The following DDAH2 variants were observed in gnomAD, a reference collection of about 807,000 sequenced individuals.
DDAH2 encodes the protein putative hydrolase DDAH2.
Under a neutral mutation model 24.8 loss-of-function variants are expected in DDAH2, and 8 were observed. That is an observed-to-expected ratio of 0.32 (90% confidence interval 0.19 to 0.58). The LOEUF (loss-of-function observed/expected upper bound fraction) is 0.58. Among genes scored for constraint, DDAH2 ranks in the 20% least tolerant of loss-of-function variants. The pLI, the probability that DDAH2 is intolerant of heterozygous loss-of-function variation, is 0.87. For missense variants in DDAH2, 281 were observed against 379.0 expected (o/e 0.74, Z 2.15); for synonymous variants, 151 against 166.1 (o/e 0.91, Z 0.70).
chr6:31,728,296 G>A lies in DDAH2; in HGVS notation c.472-4C>T, dbSNP rs1807549080. 6.2e-7 allele frequency: 1 copy of A among 1,608,414 alleles called. No homozygotes were observed. Among genetic ancestry groups the A allele is most frequent in the Non-Finnish European group, 8.5e-7 (1 of 1,176,994 alleles). On this transcript the variant is annotated splice_polypyrimidine_tract_variant and splice_region_variant and intron_variant, in intron 3 of 5. Coordinates refer to ENST00000375789, the MANE Select transcript of DDAH2 (RefSeq NM_001303007.2). The surrounding 1 kb of genome is among the most constrained non-coding windows in gnomAD (Gnocchi z 9.8). ...GCACAGTGGAGACGGCGAAGTCCTA[G>A]GGAGAGCGAAGGGAGGTATTCAGGG...
In DDAH2 at chr6:31,728,411, C is replaced by A; in HGVS notation, c.471+40G>T. On this transcript the variant is annotated intron_variant, in intron 3 of 5. Coordinates refer to ENST00000375789, the MANE Select transcript of DDAH2 (RefSeq NM_001303007.2). This position sits in a 1 kb window ranked among gnomAD's most constrained non-coding sequence, Gnocchi z 9.8. ...GGCGCCCAGGCCCTTCCGACCCCCA[C>A]CTGCACCCCCTCCCTCCCTAGGCTG... The A allele has an allele frequency of 6.2e-7, 1 of 1,611,338 alleles. No homozygotes were observed. Among genetic ancestry groups the A allele is most frequent in the Non-Finnish European group, 8.5e-7 (1 of 1,179,420 alleles).
Position 31,729,167 on chromosome 6 carries a change from C to G in DDAH2, c.-6G>C. On this transcript the variant is annotated 5_prime_UTR_variant, in exon 1 of 6. Transcript: ENST00000375789. This position sits in a 1 kb window ranked among gnomAD's most constrained non-coding sequence, Gnocchi z 6.7. ...CCCTCCCCCGGCGTCCCCATCCCAT[C>G]CACACAGACTCCCCCTCCAACCGCT... 1 of 1,590,514 alleles carries G rather than the reference C, an allele frequency of 6.3e-7. No homozygotes were observed. The highest frequency in any genetic ancestry group is 1.1e-5 in the South Asian group (1 of 89,876).
chr6:31,729,315 C>T (rs1182543354), upstream of DDAH2: 1 of 653,642 alleles, frequency 1.5e-6, no homozygotes, highest in Admixed American at 2.9e-5. The surrounding 1 kb of genome is among the most constrained non-coding windows in gnomAD (Gnocchi z 6.7). Flanking sequence ...GGTCTTCCTC[C>T]TGCCATCTCT....
In DDAH2 at chr6:31,728,624, C is replaced by G. The variant is rs1386842163; in HGVS notation, c.397+22G>C. ...AAACTCTACTTCCCTGTGCCAAGACCTATGCCTCCCCCCAGCCTCACCGGT... is the reference window on the plus strand; with the variant it reads ...AAACTCTACTTCCCTGTGCCAAGACGTATGCCTCCCCCCAGCCTCACCGGT... On this transcript the variant is annotated intron_variant, in intron 2 of 5. Coordinates refer to ENST00000375789, the MANE Select transcript of DDAH2 (RefSeq NM_001303007.2). This position sits in a 1 kb window ranked among gnomAD's most constrained non-coding sequence, Gnocchi z 9.8. 1 of 1,612,464 alleles carries G rather than the reference C, an allele frequency of 6.2e-7. No individual in the cohort carries two copies. The highest frequency in any genetic ancestry group is 2.2e-5 in the East Asian group (1 of 44,884).
rs1414706615 is a variant in DDAH2 at position 31,728,134 on chromosome 6, G to C, written c.591+39C>G. ...CCCAGCTCCCGGCCTCCCGGGCCCAGAACTGCGCCCACTTTCGTTGGCCCC... is the reference window on the plus strand; with the variant it reads ...CCCAGCTCCCGGCCTCCCGGGCCCACAACTGCGCCCACTTTCGTTGGCCCC... On this transcript the variant is annotated intron_variant, in intron 4 of 5. Coordinates refer to ENST00000375789, the MANE Select transcript of DDAH2 (RefSeq NM_001303007.2). This position sits in a 1 kb window ranked among gnomAD's most constrained non-coding sequence, Gnocchi z 9.8. 1.2e-6 allele frequency: 2 copies of C among 1,606,208 alleles called. No individual in the cohort carries two copies. Among genetic ancestry groups the C allele is most frequent in the African/African-American group, 2.7e-5 (2 of 74,808 alleles).
Position 31,727,837 on chromosome 6 carries a change from T to C in DDAH2, c.592-145A>G. The C allele has an allele frequency of 1.1e-6, 1 of 947,720 alleles. No homozygotes were observed. Among genetic ancestry groups the C allele is most frequent in the Non-Finnish European group, 1.6e-6 (1 of 643,458 alleles). 58.7% of individuals were successfully genotyped at this position (947,720 alleles called of 1,614,324 possible). A position where few individuals can be genotyped will look rare whatever the true frequency, so the allele number is the denominator to read the frequency against. ...ATAGAGCTTACGATATGTCAGACAC[T>C]AAGTACTTTAGTTACCTTTGCTAAT... On this transcript the variant is annotated intron_variant, in intron 4 of 5. Transcript: ENST00000375789. This position sits in a 1 kb window ranked among gnomAD's most constrained non-coding sequence, Gnocchi z 6.0.
chr6:31,728,613 T>C lies in DDAH2; in HGVS notation c.397+33A>G, dbSNP rs1807581774. ...CCGAGTCTCCCAAACTCTACTTCCCTGTGCCAAGACCTATGCCTCCCCCCA... is the reference window on the plus strand; with the variant it reads ...CCGAGTCTCCCAAACTCTACTTCCCCGTGCCAAGACCTATGCCTCCCCCCA... On this transcript the variant is annotated intron_variant, in intron 2 of 5. Coordinates refer to ENST00000375789, the MANE Select transcript of DDAH2 (RefSeq NM_001303007.2). This position sits in a 1 kb window ranked among gnomAD's most constrained non-coding sequence, Gnocchi z 9.8. 1.2e-6 allele frequency: 2 copies of C among 1,612,010 alleles called. No individual in the cohort carries two copies. The highest frequency in any genetic ancestry group is 1.7e-6 in the Non-Finnish European group (2 of 1,179,352).
At position 31,728,849 on chromosome 6, in the gene DDAH2, G is replaced by C; in HGVS notation, c.297+16C>G. ...TTCTGCCTTTCCCCATACCACACCC[G>C]CGCCACGGCGCTCACCTCTGGCCTA... On this transcript the variant is annotated intron_variant, in intron 1 of 5. Coordinates refer to ENST00000375789, the MANE Select transcript of DDAH2 (RefSeq NM_001303007.2). This position sits in a 1 kb window ranked among gnomAD's most constrained non-coding sequence, Gnocchi z 9.8. The C allele has an allele frequency of 5.0e-6, 8 of 1,611,098 alleles. No homozygotes were observed. Among genetic ancestry groups the C allele is most frequent in the Non-Finnish European group, 6.8e-6 (8 of 1,178,990 alleles).
At position 31,727,443 on chromosome 6, in the gene DDAH2, C is replaced by G. The variant is rs1807461834; in HGVS notation, c.742-90G>C. The G allele has an allele frequency of 6.2e-7, 1 of 1,601,370 alleles. No individual in the cohort carries two copies. Among genetic ancestry groups the G allele is most frequent in the Non-Finnish European group, 8.5e-7 (1 of 1,171,558 alleles). The stretch of plus-strand genomic sequence containing the variant: ...TCCAGCCAGCTCAGAGTGGCCCCAC[C>G]CAGGCTTCTAGAGAAGGTACCCTTC... On this transcript the variant is annotated intron_variant, in intron 5 of 5. Coordinates refer to ENST00000375789, the MANE Select transcript of DDAH2 (RefSeq NM_001303007.2). The surrounding 1 kb of genome is among the most constrained non-coding windows in gnomAD (Gnocchi z 6.0).
chr6:31,729,830 A>G (rs1417418908), upstream of DDAH2: 1 of 152,240 alleles, frequency 6.6e-6, no homozygotes, highest in African/African-American at 2.4e-5. This position sits in a 1 kb window ranked among gnomAD's most constrained non-coding sequence, Gnocchi z 6.7. Flanking sequence ...GAGAGGTCTA[A>G]AACGAAATGC....
At position 31,728,117 on chromosome 6, in the gene DDAH2, C is replaced by T. The variant is rs1007622374; in HGVS notation, c.591+56G>A. The T allele has an allele frequency of 6.3e-7, 1 of 1,595,606 alleles. No individual in the cohort carries two copies. Among genetic ancestry groups the T allele is most frequent in the Non-Finnish European group, 8.5e-7 (1 of 1,174,908 alleles). ...GCTAATTTCCTAAGCCTCCCAGCTC[C>T]CGGCCTCCCGGGCCCAGAACTGCGC... On this transcript the variant is annotated intron_variant, in intron 4 of 5. Coordinates refer to ENST00000375789, the MANE Select transcript of DDAH2 (RefSeq NM_001303007.2). The surrounding 1 kb of genome is among the most constrained non-coding windows in gnomAD (Gnocchi z 9.8).
In DDAH2 at chr6:31,728,241, G is replaced by A; in HGVS notation, c.523C>T (p.Leu175Phe). 1 of 1,612,704 alleles carries A rather than the reference G, an allele frequency of 6.2e-7. No individual in the cohort carries two copies. Residue 175 changes from leucine to phenylalanine, a missense_variant, in exon 4 of 6, where the codon CTC becomes TTC. Physicochemically the swap from Leu to Phe is conservative, Grantham distance 22. Coordinates refer to ENST00000375789, the MANE Select transcript of DDAH2 (RefSeq NM_001303007.2). The surrounding 1 kb of genome is among the most constrained non-coding windows in gnomAD (Gnocchi z 9.8). Reference protein sequence around the residue: ...PVSGPSHLRGLCGMGGPRTVV... With the variant: ...PVSGPSHLRGFCGMGGPRTVV... ...GTGCGAGGTCCCCCCATGCCGCAGA[G>A]ACCGCGCAGGTGGGAGGGACCCGAG...
chr6:31,729,347 C>T (rs1233196512), upstream of DDAH2: 2 of 604,296 alleles, frequency 3.3e-6, no homozygotes, highest in African/African-American at 3.7e-5. This position sits in a 1 kb window ranked among gnomAD's most constrained non-coding sequence, Gnocchi z 6.7. Context: ...CCACTCCGCC[C>T]CACCCACTCC....
chr6:31,728,387 G>A lies in DDAH2; in HGVS notation c.471+64C>T, dbSNP rs1807557803. On this transcript the variant is annotated intron_variant, in intron 3 of 5. Coordinates refer to ENST00000375789, the MANE Select transcript of DDAH2 (RefSeq NM_001303007.2). The surrounding 1 kb of genome is among the most constrained non-coding windows in gnomAD (Gnocchi z 9.8). ...TCTCTGCCTCTCATTTCCTCAGCGG[G>A]CGCCCAGGCCCTTCCGACCCCCACC... 6.2e-7 allele frequency: 1 copy of A among 1,609,840 alleles called. No homozygotes were observed. Among genetic ancestry groups the A allele is most frequent in the Non-Finnish European group, 8.5e-7 (1 of 1,178,302 alleles).
chr6:31,728,589 C>G lies in DDAH2; in HGVS notation c.397+57G>C, dbSNP rs1717530738. The G allele has an allele frequency of 2.5e-6, 4 of 1,611,142 alleles. No individual in the cohort carries two copies. Among genetic ancestry groups the G allele is most frequent in the Non-Finnish European group, 3.4e-6 (4 of 1,178,760 alleles). On this transcript the variant is annotated intron_variant, in intron 2 of 5. Coordinates refer to ENST00000375789, the MANE Select transcript of DDAH2 (RefSeq NM_001303007.2). The surrounding 1 kb of genome is among the most constrained non-coding windows in gnomAD (Gnocchi z 9.8). The stretch of plus-strand genomic sequence containing the variant: ...AGTTAGAAACAAGGCTCCAGACGGC[C>G]GAGTCTCCCAAACTCTACTTCCCTG...
At position 31,729,250 on chromosome 6, in the gene DDAH2, G is replaced by A. The variant is rs1414759368; in HGVS notation, c.-89C>T. The A allele has an allele frequency of 8.5e-7, 1 of 1,180,154 alleles. No homozygotes were observed. The allele number at this position is 1,180,154 out of a possible 1,614,324, so 73.1% of individuals were successfully genotyped here. ...TCTGGGAGAAGAAACAGAAAAGGAG[G>A]AGACAGAGAAAAAGACATGCAGACA... On this transcript the variant is annotated 5_prime_UTR_variant, in exon 1 of 6. Transcript: ENST00000375789. This position sits in a 1 kb window ranked among gnomAD's most constrained non-coding sequence, Gnocchi z 6.7.
chr6:31,728,317 CA>C lies in DDAH2; in HGVS notation c.472-26del. On this transcript the variant is annotated intron_variant, in intron 3 of 5. Coordinates refer to ENST00000375789, the MANE Select transcript of DDAH2 (RefSeq NM_001303007.2). The surrounding 1 kb of genome is among the most constrained non-coding windows in gnomAD (Gnocchi z 9.8). ...CCTAGGGAGAGCGAAGGGAGGTATT[CA>C]GGGGCGCGGGAGGGGTGATGGGGTA... 6.2e-7 allele frequency: 1 copy of C among 1,605,198 alleles called. No homozygotes were observed. The highest frequency in any genetic ancestry group is 8.5e-7 in the Non-Finnish European group (1 of 1,174,858).
At position 31,728,297 on chromosome 6, in the gene DDAH2, G is replaced by T. The variant is rs755529013; in HGVS notation, c.472-5C>A. The T allele has an allele frequency of 6.2e-7, 1 of 1,608,102 alleles. No individual in the cohort carries two copies. Among genetic ancestry groups the T allele is most frequent in the Non-Finnish European group, 8.5e-7 (1 of 1,176,824 alleles). On this transcript the variant is annotated splice_polypyrimidine_tract_variant and splice_region_variant and intron_variant, in intron 3 of 5. Transcript: ENST00000375789. The surrounding 1 kb of genome is among the most constrained non-coding windows in gnomAD (Gnocchi z 9.8). The stretch of plus-strand genomic sequence containing the variant: ...CACAGTGGAGACGGCGAAGTCCTAG[G>T]GAGAGCGAAGGGAGGTATTCAGGGG...
Position 31,727,534 on chromosome 6 carries a change from C to T in DDAH2, c.741+9G>A. 2 of 1,613,058 alleles carry T rather than the reference C, an allele frequency of 1.2e-6. No homozygotes were observed. Among genetic ancestry groups the T allele is most frequent in the Non-Finnish European group, 1.7e-6 (2 of 1,180,022 alleles). ...GGTGCTTGGTGTTGGAGTTCCTGCC[C>T]TCTCTCACCTCCTGGCTGTTGGGCA... On this transcript the variant is annotated intron_variant, in intron 5 of 5. Coordinates refer to ENST00000375789, the MANE Select transcript of DDAH2 (RefSeq NM_001303007.2). This position sits in a 1 kb window ranked among gnomAD's most constrained non-coding sequence, Gnocchi z 6.0.
Sources: allele counts gnomAD v4.1 joint callset, GRCh38; gene constraint gnomAD v4.1.1; non-coding constraint Gnocchi (gnomAD v3.1); transcripts MANE v1.5; gene names NCBI Gene and HGNC (gene_info 2026-07-23, HGNC 2026-07-21).